Variants in CPN1 observed in about 807,000 individuals in gnomAD.
CPN1 encodes the protein carboxypeptidase N catalytic chain.
A neutral mutation model predicts 46.4 loss-of-function variants in CPN1; 37 were observed. The observed-to-expected ratio is 0.80, with a 90% CI of 0.61 to 1.05. CPN1 has a LOEUF of 1.05. Among genes scored for constraint, CPN1 ranks in the 50% least tolerant of loss-of-function variants. CPN1 has a pLI of 0.00. For missense variants in CPN1, 563 were observed against 602.6 expected (o/e 0.93, Z 0.69); for synonymous variants, 224 against 235.4 (o/e 0.95, Z 0.44).
chr10:100,078,220 T>TA lies in CPN1; in HGVS notation c.224-2114dup, dbSNP rs199584075. 4.6e-3 allele frequency among the ~76,000 whole-genome samples: 689 copies of TA among 150,360 alleles called. 6 individuals carry two copies. Among genetic ancestry groups the TA allele is most frequent in the African/African-American group, 0.016 (647 of 41,054 alleles). On this transcript the variant is annotated intron_variant, in intron 1 of 8. Transcript: ENST00000370418. The stretch of plus-strand genomic sequence containing the variant: ...ACACTACCACACGAGGCTAATTTTC[T>TA]AAAAAAAAAATTTATTACAGAGACA...
At chr10:100,048,660 C>G (rs1247452321) in intron 8 of CPN1, 98 bp downstream of exon 8, 1 of 916,024 alleles carries the variant, frequency 1.1e-6, no homozygotes, top group Admixed American at 1.7e-5. Context: ...AGTGGTGCCA[C>G]TGCACTCCAG....
chr10:100,076,798 T>A (rs1267534938), intron 1 of CPN1, among the ~76,000 whole-genome samples: 1 of 151,586 alleles, frequency 6.6e-6, no homozygotes, highest in Non-Finnish European at 1.5e-5. Flanking sequence ...GGGGCAGGAC[T>A]GAGCTCGTTC....
At chr10:100,073,451 A>G (rs1041652040) in intron 2 of CPN1, among the ~76,000 whole-genome samples, 6 of 152,086 alleles carry the variant, frequency 3.9e-5, no homozygotes, top group African/African-American at 1.4e-4. Flanking sequence ...GTTTCCTATT[A>G]CTGCTGTAAC....
At chr10:100,061,264 T>C (rs1389714907) in intron 5 of CPN1, among the ~76,000 whole-genome samples, 2 of 152,230 alleles carry the variant, frequency 1.3e-5, no homozygotes, top group Non-Finnish European at 2.9e-5. Flanking sequence ...CTTGAGGGGA[T>C]GGACATGTCA....
At chr10:100,052,173 C>T (rs1470123062) in intron 7 of CPN1, among the ~76,000 whole-genome samples, 2 of 151,810 alleles carry the variant, frequency 1.3e-5, no homozygotes. Context: ...TGGGTTCAAG[C>T]GATTCTCCTG....
At chr10:100,054,246 C>G in intron 7 of CPN1, 101 bp downstream of exon 7, 2 of 892,446 alleles carry the variant, frequency 2.2e-6, no homozygotes, top group Non-Finnish European at 3.8e-6. Context: ...ATCCTTGACA[C>G]CCCTGCTGGT....
At position 100,076,048 on chromosome 10, in the gene CPN1, G is replaced by C. The variant is rs768945263; in HGVS notation, c.283C>G (p.Leu95Val). 2.5e-5 allele frequency: 41 copies of C among 1,614,084 alleles called. No individual in the cohort carries two copies. The highest frequency in any genetic ancestry group is 3.3e-5 in the Non-Finnish European group (39 of 1,180,060). ...AGAAACTCCGACAGCTGCAGCATCA[G>C]CTCGCGGCCCAACGCTTCGTTGCCG... ...MHGNEALGRE[L>V]MLQLSEFLCE... Residue 95 changes from leucine to valine, a missense_variant, in exon 2 of 9, where the codon CTG becomes GTG. Physicochemically the swap from Leu to Val is conservative, Grantham distance 32 (BLOSUM62 1). Coordinates refer to ENST00000370418, the MANE Select transcript of CPN1 (RefSeq NM_001308.3).
In CPN1 at chr10:100,063,683, C is replaced by T. The variant is rs370240267; in HGVS notation, c.802G>A (p.Gly268Ser). ...GGGAAGTAATCTCCGCAGTTCCAAC[C>T]TTGGAACATCCATCCATGTGCATAG... is the stretch of plus-strand genomic sequence containing the variant. ...YSYAHGWMFQ[G>S]WNCGDYFPDG... The change falls in exon 5 of 9, where the codon GGT (glycine) becomes AGT (serine). Residue 268 changes from glycine to serine, a missense_variant. By Grantham distance (56) the Gly-to-Ser change is moderately conservative (BLOSUM62 0). Coordinates refer to ENST00000370418, the MANE Select transcript of CPN1 (RefSeq NM_001308.3). 1.2e-6 allele frequency: 2 copies of T among 1,614,000 alleles called. No homozygotes were observed. Among genetic ancestry groups the T allele is most frequent in the Non-Finnish European group, 1.7e-6 (2 of 1,180,018 alleles).
intron 5 of CPN1, among the ~76,000 whole-genome samples, chr10:100,062,142 C>G (rs1477928498): frequency 6.6e-6 from 1 of 152,212 alleles, no homozygotes; most frequent in Admixed American, 6.5e-5. Context: ...TGGGCCATGG[C>G]CAGGTCAGAT....
intron 5 of CPN1, among the ~76,000 whole-genome samples, chr10:100,062,852 C>T (rs1008611898): frequency 3.3e-5 from 5 of 151,686 alleles, no homozygotes; most frequent in South Asian, 2.1e-4. Context: ...TCTCCCTTCT[C>T]GGCCTCCCAA....
chr10:100,063,566 T>G, intron 5 of CPN1, 48 bp downstream of exon 5: 14 of 1,327,464 alleles, frequency 1.1e-5, no homozygotes, highest in Non-Finnish European at 1.4e-5. Flanking sequence ...GAAGGAGAAA[T>G]GAGCACTATT....
intron 6 of CPN1, 27 bp from the exon 7 acceptor site, chr10:100,054,473 T>C: frequency 6.4e-7 from 1 of 1,560,742 alleles, no homozygotes. Context: ...ATAGTTATGA[T>C]CATAAAACAT....
chr10:100,057,267 CTTTTAA>C (rs1182548180), intron 5 of CPN1, 115 bp from the exon 6 acceptor site: 2 of 1,194,944 alleles, frequency 1.7e-6, no homozygotes, highest in Non-Finnish European at 2.4e-6. Flanking sequence ...TGGGAATTAC[CTTTTAA>C]TTTTATTTAT....
chr10:100,080,728 A>G (rs533185944), intron 1 of CPN1, among the ~76,000 whole-genome samples: 2 of 152,218 alleles, frequency 1.3e-5, no homozygotes, highest in Non-Finnish European at 2.9e-5. Context: ...CCCTGTCTCT[A>G]CTAAAAATAC....
chr10:100,065,604 A>G (rs945868292), intron 3 of CPN1, among the ~76,000 whole-genome samples: 11 of 152,238 alleles, frequency 7.2e-5, no homozygotes, highest in Non-Finnish European at 1.5e-5. Context: ...TGGAATCCCA[A>G]TATACAAAAG....
rs190836771 is a variant in CPN1, at chr10:100,065,673, C to T, written c.577-303G>A. Among the ~76,000 whole-genome samples, 430 of 152,182 alleles carry T rather than the reference C, an allele frequency of 2.8e-3. 5 individuals carry two copies. The highest frequency in any genetic ancestry group is 9.6e-3 in the African/African-American group (398 of 41,504). On this transcript the variant is annotated intron_variant, in intron 3 of 8. Transcript: ENST00000370418. ...ATTCTGTATGATACCATAATGGTGG[C>T]TATATATCATCATACCTTTGTTGAG...
Position 100,065,246 on chromosome 10 carries a change from A to T in CPN1, c.701T>A (p.Val234Asp). 1.2e-6 allele frequency: 2 copies of T among 1,614,030 alleles called. No homozygotes were observed. The highest frequency in any genetic ancestry group is 1.7e-6 in the Non-Finnish European group (2 of 1,179,986). The change falls in exon 4 of 9, where the codon GTC becomes GAC. Residue 234 changes from valine to aspartate, a missense_variant. Physicochemically the swap from Val to Asp is radical, Grantham distance 152. Transcript: ENST00000370418. ...YPYDKSFEHR[V>D]RGVRRTASTP... ...GCTGGCGGTGCGGCGGACCCCTCGG[A>T]CCCGGTGCTCAAAGGACTTGTCATA...
intron 2 of CPN1, among the ~76,000 whole-genome samples, chr10:100,071,996 G>A (rs1243291760): frequency 6.6e-6 from 1 of 152,122 alleles, no homozygotes; most frequent in African/African-American, 2.4e-5. Context: ...AAGGGTGGTA[G>A]GGGGAGATTC....
At position 100,079,958 on chromosome 10, in the gene CPN1, C is replaced by T. The variant is rs561276386; in HGVS notation, c.223+1445G>A. On this transcript the variant is annotated intron_variant, in intron 1 of 8. Coordinates refer to ENST00000370418, the MANE Select transcript of CPN1 (RefSeq NM_001308.3). ...AAAATTAGCCAGGCATGGTAGTGCA[C>T]GCCTGTAATCCCAGCTACTTGGGAG... is the stretch of plus-strand genomic sequence containing the variant. 5.3e-5 allele frequency among the ~76,000 whole-genome samples: 8 copies of T among 152,120 alleles called. No homozygotes were observed. The East Asian group carries it at 7.7e-4, about 15-fold the overall frequency.
Sources: gnomAD v4.1 joint callset for allele counts (sites outside exome capture counted in the v4.1 genomes callset) on GRCh38, gnomAD v4.1.1 for gene constraint, MANE v1.5 for transcripts, NCBI Gene and HGNC (gene_info 2026-07-23, HGNC 2026-07-21) for gene names.